Variants in CSKMT observed in about 807,000 individuals in gnomAD.
CSKMT encodes the protein citrate synthase lysine methyltransferase, also known as citrate synthase-lysine N-methyltransferase CSKMT, mitochondrial.
A neutral mutation model predicts 4.6 loss-of-function variants in CSKMT; 6 were observed. The observed-to-expected ratio is 1.31, with a 90% CI of 0.72 to 2.59. The LOEUF (loss-of-function observed/expected upper bound fraction) is 2.59, where lower values mean the gene tolerates loss of function less well. Ranked by LOEUF, CSKMT falls within the 30% of genes most tolerant of loss-of-function variation. The pLI is 0.00. For missense variants in CSKMT, 328 were observed against 298.0 expected, an observed-to-expected ratio of 1.10 and a Z score of -0.74; for synonymous variants, 142 against 128.9, an observed-to-expected ratio of 1.10 and a Z score of -0.69.
Position 62,665,344 on chromosome 11 carries a change from T to C in CSKMT, c.-234+12T>C, listed in dbSNP as rs1384174525. 4 of 805,754 alleles carry C rather than the reference T, an allele frequency of 5.0e-6. No individual in the cohort carries two copies. Among genetic ancestry groups the C allele is most frequent in the African/African-American group, 3.4e-5 (2 of 58,514 alleles). The allele number at this position is 805,754 out of a possible 1,614,324, so 49.9% of individuals were successfully genotyped here. A position where few individuals can be genotyped will look rare whatever the true frequency, so the allele number is the denominator to read the frequency against. On this transcript the variant is annotated intron_variant, in intron 1 of 2. Coordinates refer to ENST00000532971, the MANE Select transcript of CSKMT (RefSeq NM_001043229.2). ...AGGGTGGTGAGCTAGTAAGTGTGGT[T>C]TTAGCTGTAGTAGCCAGATTGGGCG...
At position 62,666,096 on chromosome 11, in the gene CSKMT, C is replaced by G. The variant is rs1944802119; in HGVS notation, c.67+150C>G. On this transcript the variant is annotated intron_variant, in intron 2 of 2. Coordinates refer to ENST00000532971, the MANE Select transcript of CSKMT (RefSeq NM_001043229.2). ...TGCGTGGTGGCTCACGGCTGTAATG[C>G]TAACACTTTGCCAGGCCGAGGCGGG... 3 of 966,648 alleles carry G rather than the reference C, an allele frequency of 3.1e-6. No individual in the cohort carries two copies. In the African/African-American group the frequency reaches 4.9e-5, roughly 16 times the overall value. The allele number at this position is 966,648 out of a possible 1,614,324, so 59.9% of individuals were successfully genotyped here.
At chr11:62,665,447 C>A in intron 1 of CSKMT, 115 bp downstream of exon 1, 2 of 1,556,776 alleles carry the variant, frequency 1.3e-6, no homozygotes, top group Non-Finnish European at 1.7e-6. Context: ...GGGGATCGGG[C>A]TTGTGGTGCC....
Position 62,666,520 on chromosome 11 carries a change from ACTGCCATTGCTGCAGGAGGCACAGG to A in CSKMT, c.199_223del (p.Leu67ValfsTer42). ...GATACGACGAAGTCCAGGGGCTCCTACTGCCATTGCTGCAGGAGGCACAGGCTGCCAGTCCTCTGCGAGTGCTGGA... is the reference window on the plus strand; with the variant it reads ...GATACGACGAAGTCCAGGGGCTCCTACTGCCAGTCCTCTGCGAGTGCTGGA... On this transcript the variant is annotated frameshift_variant, in exon 3 of 3. Transcript: ENST00000532971. LOFTEE classifies it low-confidence loss of function (END_TRUNC). 6.2e-7 allele frequency: 1 copy of A among 1,614,108 alleles called. No individual in the cohort carries two copies. The highest frequency in any genetic ancestry group is 2.2e-5 in the East Asian group (1 of 44,878).
In CSKMT at chr11:62,665,343, T is replaced by C. The variant is rs4489748; in HGVS notation, c.-234+11T>C. 0.25 allele frequency: 199,231 copies of C among 793,652 alleles called. 27,605 individuals carry two copies. The highest frequency in any genetic ancestry group is 0.3 in the Non-Finnish European group (146,174 of 488,790). The allele number at this position is 793,652 out of a possible 1,614,324, so 49.2% of individuals were successfully genotyped here. ...GAGGGTGGTGAGCTAGTAAGTGTGG[T>C]TTTAGCTGTAGTAGCCAGATTGGGC... On this transcript the variant is annotated intron_variant, in intron 1 of 2. Transcript: ENST00000532971.
chr11:62,665,740 C>G lies in CSKMT; in HGVS notation c.-140C>G, dbSNP rs1944789644. ...TGTGTCCGCGTTCTTTTTTCCGGGA[C>G]TGCAGAGTTCGGGGAAGCTGTACGC... On this transcript the variant is annotated 5_prime_UTR_variant, in exon 2 of 3. Coordinates refer to ENST00000532971, the MANE Select transcript of CSKMT (RefSeq NM_001043229.2). The G allele has an allele frequency of 6.8e-7, 1 of 1,477,500 alleles. No homozygotes were observed. The highest frequency in any genetic ancestry group is 2.3e-5 in the Admixed American group (1 of 43,056). The allele number at this position is 1,477,500 out of a possible 1,614,324, so 91.5% of individuals were successfully genotyped here.
At chr11:62,666,331 G>C in intron 2 of CSKMT, 65 bp from the exon 3 acceptor site, 1 of 1,508,590 alleles carries the variant, frequency 6.6e-7, no homozygotes, top group Non-Finnish European at 9.1e-7. Context: ...AGACGCCAGT[G>C]TGTATATACG....
rs761102979 is a variant in CSKMT, at chr11:62,666,481, C to T, written c.153C>T (p.Phe51=). The T allele has an allele frequency of 3.1e-6, 5 of 1,613,980 alleles. No homozygotes were observed. In the South Asian group the frequency reaches 3.3e-5, roughly 11 times the overall value. Residue 51 remains phenylalanine, a synonymous_variant, in exon 3 of 3, where the codon TTC becomes TTT. Transcript: ENST00000532971. ...AQPRLGTVPT[F]DWFFGYDEVQ... is the part of the protein sequence containing the mutation. ...CTCGTTTGGGCACTGTCCCCACCTT[C>T]GACTGGTTCTTTGGATACGACGAAG...
Position 62,667,562 on chromosome 11 carries a change from C to T in CSKMT, c.*511C>T, listed in dbSNP as rs200294500. 5 of 1,614,136 alleles carry T rather than the reference C, an allele frequency of 3.1e-6. No homozygotes were observed. Among genetic ancestry groups the T allele is most frequent in the South Asian group, 1.1e-5 (1 of 91,084 alleles). On this transcript the variant is annotated 3_prime_UTR_variant, in exon 3 of 3. Coordinates refer to ENST00000532971, the MANE Select transcript of CSKMT (RefSeq NM_001043229.2). ...GGAGGCAGGAGATGGGAATATTCCA[C>T]AAAGCCACTTCTACAAACACGGGAG...
Position 62,667,507 on chromosome 11 carries a change from A to G in CSKMT, c.*456A>G, listed in dbSNP as rs1944851855. The G allele has an allele frequency of 6.2e-7, 1 of 1,606,850 alleles. No homozygotes were observed. The highest frequency in any genetic ancestry group is 8.5e-7 in the Non-Finnish European group (1 of 1,173,490). On this transcript the variant is annotated 3_prime_UTR_variant, in exon 3 of 3. Transcript: ENST00000532971. ...AACCTGGATGAGATATTTGAGGGGGAGGGAACAATACTTACCCTCAAAGCT... is the reference window on the plus strand; with the variant it reads ...AACCTGGATGAGATATTTGAGGGGGGGGGAACAATACTTACCCTCAAAGCT...
In CSKMT at chr11:62,666,994, G is replaced by A; in HGVS notation, c.666G>A (p.Glu222=). Residue 222 remains glutamate (E), a synonymous_variant, in exon 3 of 3, where the codon GAG becomes GAA. Coordinates refer to ENST00000532971, the MANE Select transcript of CSKMT (RefSeq NM_001043229.2). ...ATGGCTGGACTGTGACTGTGCAGGA[G>A]CTAGGCCCGTTCAGGGGCATCACCT... The part of the protein sequence containing the change: ...GSYGWTVTVQ[E]LGPFRGITYF... 2 of 1,613,502 alleles carry A rather than the reference G, an allele frequency of 1.2e-6. No individual in the cohort carries two copies. The highest frequency in any genetic ancestry group is 1.3e-5 in the African/African-American group (1 of 75,022).
At chr11:62,666,047 A>G in intron 2 of CSKMT, 101 bp downstream of exon 2, 12 of 1,333,476 alleles carry the variant, frequency 9.0e-6, no homozygotes, top group Non-Finnish European at 1.2e-5. Context: ...TGAAATTGTG[A>G]TTCTCAAACC....
intron 2 of CSKMT, 156 bp from the exon 3 acceptor site, chr11:62,666,240 G>T (rs576735028): frequency 8.6e-6 from 7 of 818,236 alleles, no homozygotes. Flanking sequence ...GGAGGCTGAG[G>T]TGGAGGCTTC....
intron 1 of CSKMT, 144 bp from the exon 2 acceptor site, chr11:62,665,503 T>A: frequency 1.3e-6 from 2 of 1,572,932 alleles, no homozygotes; most frequent in Non-Finnish European, 1.7e-6. Flanking sequence ...TCTGGCCCCC[T>A]CGGCGTCATG....
chr11:62,666,552 GTCC>G lies in CSKMT; in HGVS notation c.227_229del (p.Pro76del). On this transcript the variant is annotated inframe_deletion, in exon 3 of 3. Coordinates refer to ENST00000532971, the MANE Select transcript of CSKMT (RefSeq NM_001043229.2). The stretch of plus-strand genomic sequence containing the variant: ...TTGCTGCAGGAGGCACAGGCTGCCA[GTCC>G]TCTGCGAGTGCTGGATGTGGGCTGT... 1 of 1,614,190 alleles carries G rather than the reference GTCC, an allele frequency of 6.2e-7. No individual in the cohort carries two copies. The highest frequency in any genetic ancestry group is 8.5e-7 in the Non-Finnish European group (1 of 1,180,040).
rs112534450 is a variant in CSKMT, at chr11:62,665,752, G to T, written c.-128G>T. 2,820 of 1,496,574 alleles carry T rather than the reference G, an allele frequency of 1.9e-3. 48 individuals carry two copies. In the African/African-American group the frequency reaches 0.034, roughly 18 times the overall value. The allele number at this position is 1,496,574 out of a possible 1,614,324, so 92.7% of individuals were successfully genotyped here. A position where few individuals can be genotyped will look rare whatever the true frequency, so the allele number is the denominator to read the frequency against. ...CTTTTTTCCGGGACTGCAGAGTTCG[G>T]GGAAGCTGTACGCCGCCTTTCGCTA... On this transcript the variant is annotated 5_prime_UTR_variant, in exon 2 of 3. Coordinates refer to ENST00000532971, the MANE Select transcript of CSKMT (RefSeq NM_001043229.2).
Position 62,665,724 on chromosome 11 carries a change from G to T in CSKMT, c.-156G>T. On this transcript the variant is annotated 5_prime_UTR_variant, in exon 2 of 3. Transcript: ENST00000532971. ...CGTTCCTACCATAGTCTGTGTCCGC[G>T]TTCTTTTTTCCGGGACTGCAGAGTT... 3 of 1,463,662 alleles carry T rather than the reference G, an allele frequency of 2.0e-6. No individual in the cohort carries two copies. Among genetic ancestry groups the T allele is most frequent in the Non-Finnish European group, 2.7e-6 (3 of 1,107,788 alleles). The allele number at this position is 1,463,662 out of a possible 1,614,324, so 90.7% of individuals were successfully genotyped here. A position where few individuals can be genotyped will look rare whatever the true frequency, so the allele number is the denominator to read the frequency against.
Position 62,666,838 on chromosome 11 carries a change from C to G in CSKMT, c.510C>G (p.Ala170=). 1 of 1,614,126 alleles carries G rather than the reference C, an allele frequency of 6.2e-7. No homozygotes were observed. Among genetic ancestry groups the G allele is most frequent in the East Asian group, 2.2e-5 (1 of 44,882 alleles). ...ACAAAGGCACATGGGATGCTGTTGC[C>G]CGGGGAGGTCTGCCTAGGGCTTACC... ...LLDKGTWDAV[A]RGGLPRAYQL... Residue 170 remains alanine, a synonymous_variant, in exon 3 of 3, where the codon GCC becomes GCG. Coordinates refer to ENST00000532971, the MANE Select transcript of CSKMT (RefSeq NM_001043229.2).
In CSKMT at chr11:62,667,113, C is replaced by CAG; in HGVS notation, c.*62_*63insAG. 6.8e-7 allele frequency: 1 copy of CAG among 1,477,564 alleles called. No individual in the cohort carries two copies. Among genetic ancestry groups the CAG allele is most frequent in the South Asian group, 1.4e-5 (1 of 73,818 alleles). The allele number at this position is 1,477,564 out of a possible 1,614,324, so 91.5% of individuals were successfully genotyped here. ...GGCAAGGAGAGGGCTGAAGAACTGTCTTTGCAAGCTATCTGGCTGCAAAGT... is the reference window on the plus strand; with the variant it reads ...GGCAAGGAGAGGGCTGAAGAACTGTCAGTTTGCAAGCTATCTGGCTGCAAAGT... On this transcript the variant is annotated 3_prime_UTR_variant, in exon 3 of 3. Coordinates refer to ENST00000532971, the MANE Select transcript of CSKMT (RefSeq NM_001043229.2).
Position 62,667,518 on chromosome 11 carries a change from C to T in CSKMT, c.*467C>T, listed in dbSNP as rs775793113. 52 of 1,611,516 alleles carry T rather than the reference C, an allele frequency of 3.2e-5. No homozygotes were observed. The South Asian group carries it at 4.4e-4, about 14-fold the overall frequency. ...GATATTTGAGGGGGAGGGAACAATACTTACCCTCAAAGCTATTAGGAGGCA... is the reference window on the plus strand; with the variant it reads ...GATATTTGAGGGGGAGGGAACAATATTTACCCTCAAAGCTATTAGGAGGCA... On this transcript the variant is annotated 3_prime_UTR_variant, in exon 3 of 3. Coordinates refer to ENST00000532971, the MANE Select transcript of CSKMT (RefSeq NM_001043229.2).
Sources: allele counts gnomAD v4.1 joint callset, GRCh38; gene constraint gnomAD v4.1.1; transcripts MANE v1.5; gene names NCBI Gene and HGNC (gene_info 2026-07-23, HGNC 2026-07-21).